Variants in SOBP observed in about 807,000 individuals in gnomAD.
SOBP encodes sine oculis-binding protein homolog.
In SOBP, 4 loss-of-function variants were observed where a neutral mutation model predicts 53.6. That is an observed-to-expected ratio of 0.07 (90% confidence interval 0.04 to 0.17). The LOEUF is 0.17. Ranked by LOEUF, SOBP falls within the 10% of genes least tolerant of loss-of-function variation. SOBP has a pLI of 1.00. For missense variants in SOBP, 1,088 were observed against 1,204.7 expected, an observed-to-expected ratio of 0.90 and a Z score of 1.43; for synonymous variants, 584 against 522.6, an observed-to-expected ratio of 1.12 and a Z score of -1.60.
At chr6:107,650,071 T>C (rs1402800139) in intron 6 of SOBP, among the ~76,000 whole-genome samples, 2 of 152,230 alleles carry the variant, frequency 1.3e-5, no homozygotes, top group Non-Finnish European at 2.9e-5. Flanking sequence ...TTTTTACTGA[T>C]TAACAAGTAA....
At position 107,645,102 on chromosome 6, in the gene SOBP, C is replaced by T. The variant is rs17068438; in HGVS notation, c.*3+9633C>T. Reference sequence around the variant, plus strand: ...TCTCATCCTGATTTTGACAGCACTTCTCACTGTCCGATCAGGTGATCAACT... The same window carrying T: ...TCTCATCCTGATTTTGACAGCACTTTTCACTGTCCGATCAGGTGATCAACT... On this transcript the variant is annotated intron_variant, in intron 6 of 6. Coordinates refer to ENST00000317357, the MANE Select transcript of SOBP (RefSeq NM_018013.4). Among the ~76,000 whole-genome samples the T allele has an allele frequency of 5.4e-3, 826 of 152,316 alleles. 25 individuals carry two copies. The East Asian group carries it at 0.086, about 16-fold the overall frequency.
At chr6:107,503,532 C>T (rs1782897501) in intron 1 of SOBP, 125 bp from the exon 2 acceptor site, 1 of 1,015,984 alleles carries the variant, frequency 9.8e-7, no homozygotes, top group African/African-American at 1.6e-5. Context: ...AAATGAACAC[C>T]ACACTAGGGG....
At chr6:107,632,810 A>G (rs1770775934) in intron 5 of SOBP, among the ~76,000 whole-genome samples, 1 of 152,242 alleles carries the variant, frequency 6.6e-6, no homozygotes, top group Non-Finnish European at 1.5e-5. Context: ...TGGTGTTTGA[A>G]AAGTTGTTAA....
intron 3 of SOBP, among the ~76,000 whole-genome samples, chr6:107,519,354 A>G (rs951136308): frequency 6.6e-6 from 1 of 151,694 alleles, no homozygotes; most frequent in African/African-American, 2.4e-5. Context: ...AATATTAACA[A>G]TGCTGTGCTT....
chr6:107,637,404 C>G (rs1203735864), intron 6 of SOBP, among the ~76,000 whole-genome samples: 2 of 152,204 alleles, frequency 1.3e-5, no homozygotes, highest in Non-Finnish European at 2.9e-5. Context: ...GATGGCTTTG[C>G]CAGTAGAGGA....
chr6:107,521,010 G>A (rs1053531638), intron 3 of SOBP, among the ~76,000 whole-genome samples: 3 of 149,064 alleles, frequency 2.0e-5, no homozygotes, highest in African/African-American at 7.5e-5. Context: ...TGCATTGTAG[G>A]ACATTTAGCA....
At chr6:107,509,111 A>G (rs982775789) in intron 3 of SOBP, among the ~76,000 whole-genome samples, 2 of 152,162 alleles carry the variant, frequency 1.3e-5, no homozygotes, top group Non-Finnish European at 2.9e-5. Context: ...AAATGTATGT[A>G]AGGCCGGGCG....
chr6:107,557,102 C>G (rs72945613), intron 4 of SOBP, among the ~76,000 whole-genome samples: 15 of 152,240 alleles, frequency 9.9e-5, no homozygotes, highest in Non-Finnish European at 1.9e-4. Flanking sequence ...TATATGTGTA[C>G]TTGGTACACT....
intron 4 of SOBP, among the ~76,000 whole-genome samples, chr6:107,570,763 G>A (rs1297992279): frequency 6.6e-6 from 1 of 152,228 alleles, no homozygotes; most frequent in Non-Finnish European, 1.5e-5. Context: ...TCCACATTTG[G>A]TGAAGATCCA....
In SOBP at chr6:107,611,603, C is replaced by T. The variant is rs576787414; in HGVS notation, c.670-21911C>T. Among the ~76,000 whole-genome samples the T allele has an allele frequency of 3.3e-5, 5 of 152,268 alleles. 1 individual carries two copies. Among genetic ancestry groups the T allele is most frequent in the South Asian group, 4.1e-4 (2 of 4,824 alleles). On this transcript the variant is annotated intron_variant, in intron 5 of 6. Transcript: ENST00000317357. ...GGACCGGCTGTATGTGCTGTGTGGC[C>T]GGGCCAGCATTGGACTCACCCGTGT...
At chr6:107,604,161 T>C (rs1218738025) in intron 5 of SOBP, among the ~76,000 whole-genome samples, 1 of 152,210 alleles carries the variant, frequency 6.6e-6, no homozygotes, top group East Asian at 1.9e-4. Flanking sequence ...TTAATTCCCA[T>C]TGTGTGAACT....
chr6:107,568,216 G>A (rs1222502767), intron 4 of SOBP, among the ~76,000 whole-genome samples: 2 of 151,976 alleles, frequency 1.3e-5, no homozygotes, highest in Non-Finnish European at 2.9e-5. Flanking sequence ...AGAAAAAAAA[G>A]AGCCACCACA....
At position 107,490,576 on chromosome 6, in the gene SOBP, G is replaced by T; in HGVS notation, c.-41G>T. On this transcript the variant is annotated 5_prime_UTR_variant, in exon 1 of 7. Coordinates refer to ENST00000317357, the MANE Select transcript of SOBP (RefSeq NM_018013.4). ...GCCGCCACCACCACCGCCGGCGGCG[G>T]CAGCAGCCATTTCATCTCCACAGAA... The T allele has an allele frequency of 6.7e-7, 1 of 1,492,058 alleles. No individual in the cohort carries two copies. Among genetic ancestry groups the T allele is most frequent in the Non-Finnish European group, 9.2e-7 (1 of 1,088,094 alleles). 92.4% of individuals were successfully genotyped at this position (1,492,058 alleles called of 1,614,324 possible). A position where few individuals can be genotyped will look rare whatever the true frequency, so the allele number is the denominator to read the frequency against.
In SOBP at chr6:107,515,608, G is replaced by T. The variant is rs113259026; in HGVS notation, c.421+9181G>T. ...TACTAAAAATACTAAAATAAGCTGG[G>T]CATGGTGGCACATGCCTGTAGTCCC... On this transcript the variant is annotated intron_variant, in intron 3 of 6. Transcript: ENST00000317357. Among the ~76,000 whole-genome samples, 778 of 152,212 alleles carry T rather than the reference G, an allele frequency of 5.1e-3. 6 individuals carry two copies. The highest frequency in any genetic ancestry group is 5.5e-3 in the Non-Finnish European group (374 of 68,010).
At chr6:107,542,260 G>T (rs1784169190) in intron 4 of SOBP, among the ~76,000 whole-genome samples, 1 of 152,152 alleles carries the variant, frequency 6.6e-6, no homozygotes, top group Admixed American at 6.5e-5. Flanking sequence ...ACAGAAGGAA[G>T]TGACGGAGCT....
intron 6 of SOBP, chr6:107,636,372 CAT>C (rs1231491232): frequency 2.0e-5 from 3 of 152,326 alleles, no homozygotes; most frequent in South Asian, 2.1e-4. Flanking sequence ...GGGGAACTAA[CAT>C]GTGTGCCTGT....
At chr6:107,590,929 T>A (rs577111302) in intron 5 of SOBP, among the ~76,000 whole-genome samples, 1 of 152,162 alleles carries the variant, frequency 6.6e-6, no homozygotes, top group Non-Finnish European at 1.5e-5. Flanking sequence ...CAAGGCATTG[T>A]ACTAGACAGT....
chr6:107,636,502 C>T lies in SOBP; in HGVS notation c.*3+1033C>T, dbSNP rs143045614. 1.0e-3 allele frequency among the ~76,000 whole-genome samples: 156 copies of T among 152,308 alleles called. No individual in the cohort carries two copies. In the East Asian group the frequency reaches 0.021, roughly 21 times the overall value. On this transcript the variant is annotated intron_variant, in intron 6 of 6. Coordinates refer to ENST00000317357, the MANE Select transcript of SOBP (RefSeq NM_018013.4). The stretch of plus-strand genomic sequence containing the variant: ...TACTGTGCCCGAAGCAGAGCTGGTA[C>T]GTGGGGAAGCCGTATTCAACTCAGG...
intron 6 of SOBP, among the ~76,000 whole-genome samples, chr6:107,637,233 G>C (rs1771086787): frequency 6.6e-6 from 1 of 152,188 alleles, no homozygotes; most frequent in African/African-American, 2.4e-5. Flanking sequence ...TACAAACGTG[G>C]AGCACAGCAC....
Sources: allele counts gnomAD v4.1 joint callset (sites outside exome capture counted in the v4.1 genomes callset), GRCh38; gene constraint gnomAD v4.1.1; transcripts MANE v1.5; gene names NCBI Gene and HGNC (gene_info 2026-07-23, HGNC 2026-07-21).